The following ABI1 variants were observed in gnomAD, a reference collection of about 807,000 sequenced individuals.
ABI1 encodes abl interactor 1, also known as Abelson interactor 1.
In ABI1, 14 loss-of-function variants were observed where a neutral mutation model predicts 54.6. That is an observed-to-expected ratio of 0.26 (90% CI 0.17 to 0.40). The LOEUF is 0.40. Ranked by LOEUF, ABI1 falls within the 10% of genes least tolerant of loss-of-function variation. The pLI is 1.00. For synonymous variants in ABI1, 194 were observed against 209.3 expected (o/e 0.93, Z 0.63); for missense variants, 443 against 598.3 (o/e 0.74, Z 2.71).
intron 1 of ABI1, among the ~76,000 whole-genome samples, chr10:26,829,475 C>T (rs1226747717): frequency 6.6e-6 from 1 of 152,136 alleles, no homozygotes; most frequent in East Asian, 1.9e-4. Context: ...TTAAGGTTCT[C>T]ACCACAAAAA....
intron 3 of ABI1, chr10:26,776,768 AT>A (rs1460567165): frequency 2.5e-5 from 6 of 236,840 alleles, no homozygotes; most frequent in African/African-American, 6.8e-5. Context: ...GTAGACTTTT[AT>A]TTTTAAATGT....
At chr10:26,807,151 A>G (rs1382946283) in intron 2 of ABI1, among the ~76,000 whole-genome samples, 3 of 152,174 alleles carry the variant, frequency 2.0e-5, no homozygotes, top group Non-Finnish European at 4.4e-5. Context: ...AAAAAGATAA[A>G]GAAGTAGAAA....
chr10:26,811,613 CTT>C (rs138893589), intron 2 of ABI1, among the ~76,000 whole-genome samples: 356 of 152,142 alleles, frequency 2.3e-3, no homozygotes, highest in African/African-American at 8.3e-3. Context: ...TGGCAGGAAA[CTT>C]GAGAAATTTT....
At chr10:26,846,052 GAC>G (rs1165049161) in intron 1 of ABI1, among the ~76,000 whole-genome samples, 5 of 151,482 alleles carry the variant, frequency 3.3e-5, no homozygotes, top group Non-Finnish European at 7.4e-5. Context: ...GAGGCAGAGA[GAC>G]TTGCTTGAAC....
At chr10:26,757,616 T>C (rs1838480951) in intron 8 of ABI1, among the ~76,000 whole-genome samples, 1 of 152,326 alleles carries the variant, frequency 6.6e-6, no homozygotes, top group South Asian at 2.1e-4. Flanking sequence ...AAAATCCTAT[T>C]TAGTGAAGTT....
At chr10:26,845,934 G>A (rs1349405280) in intron 1 of ABI1, among the ~76,000 whole-genome samples, 1 of 152,066 alleles carries the variant, frequency 6.6e-6, no homozygotes, top group African/African-American at 2.4e-5. Context: ...CCTGAGGTCA[G>A]GAGTTCAATA....
intron 2 of ABI1, among the ~76,000 whole-genome samples, chr10:26,809,478 A>G (rs1286528675): frequency 1.3e-5 from 2 of 152,086 alleles, no homozygotes; most frequent in African/African-American, 4.8e-5. Context: ...GGATCCCTTG[A>G]GCCAGGGAGT....
chr10:26,852,821 C>A (rs1439125082), intron 1 of ABI1, among the ~76,000 whole-genome samples: 1 of 152,114 alleles, frequency 6.6e-6, no homozygotes, highest in Non-Finnish European at 1.5e-5. Flanking sequence ...AATCCCAACA[C>A]TTCGGGAGGC....
At chr10:26,808,666 T>C (rs150115932) in intron 2 of ABI1, among the ~76,000 whole-genome samples, 234 of 152,110 alleles carry the variant, frequency 1.5e-3, no homozygotes, top group African/African-American at 5.1e-3. Context: ...GAGGTTGCAG[T>C]GAGCCGAGAT....
At chr10:26,769,696 TC>T (rs1840412137) in intron 5 of ABI1, among the ~76,000 whole-genome samples, 1 of 152,252 alleles carries the variant, frequency 6.6e-6, no homozygotes, top group Non-Finnish European at 1.5e-5. Context: ...TGTTATCTTT[TC>T]TACTTGCCCA....
chr10:26,770,145 G>C (rs1027165445), intron 5 of ABI1, 100 bp downstream of exon 5: 79 of 878,180 alleles, frequency 9.0e-5, no homozygotes, highest in Non-Finnish European at 1.3e-4. Flanking sequence ...GTCACATAGA[G>C]AGGGTAGTGT....
At chr10:26,817,555 T>C (rs2047655603) in intron 2 of ABI1, among the ~76,000 whole-genome samples, 1 of 152,096 alleles carries the variant, frequency 6.6e-6, no homozygotes, top group African/African-American at 2.4e-5. Context: ...GAGGATCACT[T>C]GCGGATGGAG....
chr10:26,784,899 C>T (rs905387881), intron 2 of ABI1, among the ~76,000 whole-genome samples: 4 of 152,166 alleles, frequency 2.6e-5, no homozygotes, highest in African/African-American at 4.8e-5. Flanking sequence ...CTATATTCTG[C>T]AGTAACTAGA....
Position 26,777,051 on chromosome 10 carries a change from T to C in ABI1, c.462+14A>G, listed in dbSNP as rs541813456. The stretch of plus-strand genomic sequence containing the variant: ...TATGCAAATTAGCTTGTTAATGTAA[T>C]ATAAAATGCTTACCTTGACACCATG... On this transcript the variant is annotated intron_variant, in intron 3 of 10. Coordinates refer to ENST00000376140, the MANE Select transcript of ABI1 (RefSeq NM_001012750.3). 3.9e-5 allele frequency: 61 copies of C among 1,555,486 alleles called. No individual in the cohort carries two copies. The Admixed American group carries it at 4.7e-4, about 12-fold the overall frequency.
At chr10:26,838,274 A>G (rs113730689) in intron 1 of ABI1, among the ~76,000 whole-genome samples, 38,802 of 151,710 alleles carry the variant, frequency 0.26, 5,620 homozygotes, top group South Asian at 0.44. Context: ...CACCCACCTC[A>G]GCCTCCCGAA....
rs1365610243 is a variant in ABI1, at chr10:26,785,485, GC to G, written c.286-8245del. Among the ~76,000 whole-genome samples, 9 of 152,268 alleles carry G rather than the reference GC, an allele frequency of 5.9e-5. No homozygotes were observed. The East Asian group carries it at 1.7e-3, about 29-fold the overall frequency. The stretch of plus-strand genomic sequence containing the variant: ...GCCTGTAATCCCAGCACTTTGGGAG[GC>G]CGAGTAGGGCAGATCACCTGAGGTC... On this transcript the variant is annotated intron_variant, in intron 2 of 10. Coordinates refer to ENST00000376140, the MANE Select transcript of ABI1 (RefSeq NM_001012750.3).
intron 1 of ABI1, among the ~76,000 whole-genome samples, chr10:26,857,186 T>G (rs981167605): frequency 1.3e-5 from 2 of 151,706 alleles, no homozygotes; most frequent in Admixed American, 1.3e-4. Context: ...CCAAGCGTGG[T>G]GGTGGGCACC....
At chr10:26,837,885 G>A (rs991554235) in intron 1 of ABI1, among the ~76,000 whole-genome samples, 1 of 151,708 alleles carries the variant, frequency 6.6e-6, no homozygotes, top group African/African-American at 2.4e-5. Context: ...AAAGTGCTGA[G>A]ATTAGAGGCA....
At chr10:26,848,219 A>AG in intron 1 of ABI1, among the ~76,000 whole-genome samples, 3 of 149,744 alleles carry the variant, frequency 2.0e-5, no homozygotes, top group South Asian at 2.1e-4. Flanking sequence ...AAAAAAAAAA[A>AG]AAAGAAGAAG....
Sources: allele counts gnomAD v4.1 joint callset (sites outside exome capture counted in the v4.1 genomes callset), GRCh38; gene constraint gnomAD v4.1.1; transcripts MANE v1.5; gene names NCBI Gene and HGNC (gene_info 2026-07-23, HGNC 2026-07-21).